The following RBFOX1 variants were observed in gnomAD, a reference collection of about 807,000 sequenced individuals.
The protein encoded by RBFOX1 is RNA binding fox-1 homolog 1.
Under a neutral mutation model 57.7 loss-of-function variants are expected in RBFOX1, and 8 were observed. The observed-to-expected ratio is 0.14, with a 90% CI of 0.08 to 0.25. The LOEUF is 0.25. Ranked by LOEUF, RBFOX1 falls within the 10% of genes least tolerant of loss-of-function variation. The pLI is 1.00. For synonymous variants in RBFOX1, 326 were observed against 222.4 expected (o/e 1.47, Z -4.15); for missense variants, 611 against 548.5 (o/e 1.11, Z -1.14).
intron 14 of RBFOX1, among the ~76,000 whole-genome samples, chr16:7,699,126 A>C (rs2079787563): frequency 6.6e-6 from 1 of 152,294 alleles, no homozygotes; most frequent in African/African-American, 2.4e-5. Context: ...CATTCTAACA[A>C]GTTGCCCCAG....
At chr16:7,560,543 A>AG (rs1319765434) in intron 5 of RBFOX1, among the ~76,000 whole-genome samples, 1 of 151,940 alleles carries the variant, frequency 6.6e-6, no homozygotes, top group Admixed American at 6.6e-5. Flanking sequence ...AAAAAAAAAA[A>AG]AAAGCAAAAA....
chr16:6,214,785 AGGGGAG>A (rs1355224282), intron 1 of RBFOX1, among the ~76,000 whole-genome samples: 1 of 48,144 alleles, frequency 2.1e-5, no homozygotes, highest in African/African-American at 8.3e-5. Flanking sequence ...GAGAGGGAGA[AGGGGAG>A]GGAGAGGGAG....
intron 1 of RBFOX1, among the ~76,000 whole-genome samples, chr16:6,095,384 C>CT (rs1807241087): frequency 6.6e-6 from 1 of 152,200 alleles, no homozygotes; most frequent in African/African-American, 2.4e-5. Context: ...ACACCTCACT[C>CT]TTTTTACGGC....
chr16:7,190,619 G>C (rs72636217), intron 4 of RBFOX1, among the ~76,000 whole-genome samples: 4 of 151,840 alleles, frequency 2.6e-5, no homozygotes, highest in Non-Finnish European at 5.9e-5. Context: ...TAGAGGGTTG[G>C]TAGAGTGGTA....
In RBFOX1 at chr16:5,678,038, G is replaced by T. The variant is rs76284473; in HGVS notation, c.318+79077G>T. ...CTGCTCAGCATCTGAACCCTTTTGT[G>T]TATTTAGGGATTCACTATTGTGTTG... On this transcript the variant is annotated intron_variant, in intron 3 of 19. Coordinates refer to the RBFOX1 transcript ENST00000641259. 9.9e-3 allele frequency among the ~76,000 whole-genome samples: 1,502 copies of T among 152,320 alleles called. 19 individuals are homozygous for T. The highest frequency in any genetic ancestry group is 0.034 in the African/African-American group (1,432 of 41,564).
chr16:7,141,685 T>A (rs1282893118), intron 4 of RBFOX1, among the ~76,000 whole-genome samples: 1 of 152,204 alleles, frequency 6.6e-6, no homozygotes, highest in Non-Finnish European at 1.5e-5. Context: ...AGGGATGAGC[T>A]ACTATAGTCT....
Position 6,964,782 on chromosome 16 carries a change from G to C in RBFOX1, c.-15-87275G>C, listed in dbSNP as rs539575403. ...GAGCCTTTAAGAACTTCTCAGCAGG[G>C]CTGTTTGAAAAGCTTAAAGCTAAGA... On this transcript the variant is annotated intron_variant, in intron 3 of 15. Coordinates refer to ENST00000550418, the MANE Select transcript of RBFOX1 (RefSeq NM_018723.4). 7.7e-4 allele frequency among the ~76,000 whole-genome samples: 117 copies of C among 152,238 alleles called. 1 individual carries two copies. The highest frequency in any genetic ancestry group is 2.6e-3 in the African/African-American group (110 of 41,530).
chr16:7,224,516 T>TC (rs1190054616), intron 4 of RBFOX1, among the ~76,000 whole-genome samples: 1 of 151,962 alleles, frequency 6.6e-6, no homozygotes, highest in Non-Finnish European at 1.5e-5. Flanking sequence ...GACCTGCCCC[T>TC]CAGTGCCTCT....
chr16:5,856,281 A>C (rs1429914029), intron 3 of RBFOX1, among the ~76,000 whole-genome samples: 1 of 27,410 alleles, frequency 3.6e-5, no homozygotes, highest in African/African-American at 1.1e-4. Context: ...ATACACATAT[A>C]TATACACACA....
At chr16:6,442,239 C>T (rs1467923241) in intron 2 of RBFOX1, among the ~76,000 whole-genome samples, 5 of 152,212 alleles carry the variant, frequency 3.3e-5, no homozygotes, top group East Asian at 3.9e-4. Context: ...CACATCCACT[C>T]GAATGTTTGT....
chr16:6,955,310 A>G lies in RBFOX1; in HGVS notation c.-15-96747A>G, dbSNP rs2081550444. On this transcript the variant is annotated intron_variant, in intron 3 of 15. Transcript: ENST00000550418. ...CGTACGATTAAGTAAGTTATCAATA[A>G]TTTTTTTCTCTTTCACCTTTAAGCC... 1.3e-5 allele frequency among the ~76,000 whole-genome samples: 2 copies of G among 150,982 alleles called. 1 individual carries two copies. The highest frequency in any genetic ancestry group is 4.2e-4 in the South Asian group (2 of 4,756).
intron 2 of RBFOX1, among the ~76,000 whole-genome samples, chr16:5,497,310 G>C (rs1249511093): frequency 6.6e-6 from 1 of 151,500 alleles, no homozygotes; most frequent in African/African-American, 2.4e-5. Flanking sequence ...GTATTGCCCT[G>C]CTGTGAAGTT....
intron 4 of RBFOX1, among the ~76,000 whole-genome samples, chr16:7,312,853 G>A (rs1044374337): frequency 6.6e-6 from 1 of 152,016 alleles, no homozygotes; most frequent in Non-Finnish European, 1.5e-5. Context: ...TTAATATGGC[G>A]GGGCCCTGCT....
intron 3 of RBFOX1, among the ~76,000 whole-genome samples, chr16:6,999,334 G>C (rs577610103): frequency 2.0e-5 from 3 of 151,116 alleles, no homozygotes; most frequent in Admixed American, 2.0e-4. Flanking sequence ...TGGGATGACA[G>C]GCATGAGCCG....
intron 3 of RBFOX1, among the ~76,000 whole-genome samples, chr16:5,773,716 G>C (rs993874477): frequency 2.0e-5 from 3 of 152,048 alleles, no homozygotes; most frequent in African/African-American, 7.2e-5. Context: ...TTTTATTTTT[G>C]AGACAGAGTC....
rs77571283 is a variant in RBFOX1, at chr16:5,547,714, G to A, written c.259-51188G>A. ...GTACACAATGGAATACTACACAGCC[G>A]TATCAAAGCACAAAAATCATGTCCT... is the stretch of plus-strand genomic sequence containing the variant. On this transcript the variant is annotated intron_variant, in intron 2 of 2. Transcript: ENST00000585867. Among the ~76,000 whole-genome samples the A allele has an allele frequency of 9.1e-3, 1,381 of 152,236 alleles. 11 individuals are homozygous for A. Among genetic ancestry groups the A allele is most frequent in the Non-Finnish European group, 0.015 (1,033 of 68,020 alleles).
At chr16:6,165,690 A>T (rs535661740) in intron 1 of RBFOX1, among the ~76,000 whole-genome samples, 1 of 152,342 alleles carries the variant, frequency 6.6e-6, no homozygotes, top group East Asian at 1.9e-4. Flanking sequence ...GTCTAAACGC[A>T]CAACATGCAT....
intron 5 of RBFOX1, among the ~76,000 whole-genome samples, chr16:7,556,292 T>C (rs1399140578): frequency 2.0e-5 from 3 of 152,204 alleles, no homozygotes; most frequent in African/African-American, 4.8e-5. Flanking sequence ...GTTCTGTTTC[T>C]TGTACACCAG....
chr16:5,465,159 A>T (rs928448536), intron 1 of RBFOX1, among the ~76,000 whole-genome samples: 1 of 152,204 alleles, frequency 6.6e-6, no homozygotes, highest in African/African-American at 2.4e-5. Context: ...TCTGGAGTCC[A>T]GAAGTCCAAG....
Sources: gnomAD v4.1 joint callset for allele counts (sites outside exome capture counted in the v4.1 genomes callset) on GRCh38, gnomAD v4.1.1 for gene constraint, MANE v1.5 for transcripts, NCBI Gene and HGNC (gene_info 2026-07-23, HGNC 2026-07-21) for gene names.